Variants in EGF observed in about 807,000 individuals in gnomAD.
EGF encodes pro-epidermal growth factor.
In EGF, 95 loss-of-function variants were observed where a neutral mutation model predicts 143.8. The observed-to-expected ratio is 0.66, with a 90% confidence interval of 0.56 to 0.78. The LOEUF (loss-of-function observed/expected upper bound fraction) is 0.78, where lower values mean the gene tolerates loss of function less well. EGF is among the 30% of genes least tolerant of loss of function. The pLI, the probability that EGF is intolerant of heterozygous loss-of-function variation, is 0.00. For missense variants in EGF, 1,320 were observed against 1,470.9 expected, an observed-to-expected ratio of 0.90 and a Z score of 1.68; for synonymous variants, 510 against 510.5, an observed-to-expected ratio of 1.00 and a Z score of 0.01.
In EGF at chr4:110,011,283, C is replaced by G. The variant is rs1413046973; in HGVS notation, c.3452C>G (p.Ser1151Cys). 1.2e-6 allele frequency: 2 copies of G among 1,614,144 alleles called. No individual in the cohort carries two copies. Among genetic ancestry groups the G allele is most frequent in the Non-Finnish European group, 1.7e-6 (2 of 1,180,016 alleles). ...GAGCAAGGCTGCTGGATTCCAGTAT[C>G]CAGTGATAAGGGCTCCTGTCCCCAG... is the stretch of plus-strand genomic sequence containing the variant. Reference protein sequence around the residue: ...GTEQGCWIPVSSDKGSCPQVM... With the variant: ...GTEQGCWIPVCSDKGSCPQVM... Residue 1151 changes from serine to cysteine, a missense_variant, in exon 24 of 24, where the codon TCC becomes TGC. Coordinates refer to ENST00000265171, the MANE Select transcript of EGF (RefSeq NM_001963.6).
chr4:109,913,376 A>G lies in EGF; in HGVS notation c.41A>G (p.Lys14Arg), dbSNP rs749456740. ...ATCATTCTGTTGCCAGTAGTTTCAA[A>G]ATTTAGTTTTGTTAGTCTCTCAGCA... Reference protein sequence around the residue: ...TLIILLPVVSKFSFVSLSAPQ... With the variant: ...TLIILLPVVSRFSFVSLSAPQ... Residue 14 changes from lysine to arginine, a missense_variant, in exon 1 of 24, where the codon AAA becomes AGA. By Grantham distance (26) the Lys-to-Arg change is conservative. Transcript: ENST00000265171. 1 of 1,613,842 alleles carries G rather than the reference A, an allele frequency of 6.2e-7. No homozygotes were observed. Among genetic ancestry groups the G allele is most frequent in the African/African-American group, 1.3e-5 (1 of 74,894 alleles).
Position 110,011,612 on chromosome 4 carries a change from G to A in EGF, c.*157G>A, listed in dbSNP as rs190671898. The A allele has an allele frequency of 1.9e-5, 22 of 1,173,574 alleles. No homozygotes were observed. The South Asian group carries it at 1.9e-4, about 10-fold the overall frequency. The allele number at this position is 1,173,574 out of a possible 1,614,324, so 72.7% of individuals were successfully genotyped here. A position where few individuals can be genotyped will look rare whatever the true frequency, so the allele number is the denominator to read the frequency against. ...GAGACAGATACGTAGTTGTGCTTTTGTTTGCTCTTTTAAGCAGTCTCACTG... is the reference window on the plus strand; with the variant it reads ...GAGACAGATACGTAGTTGTGCTTTTATTTGCTCTTTTAAGCAGTCTCACTG... On this transcript the variant is annotated 3_prime_UTR_variant, in exon 24 of 24. Transcript: ENST00000265171.
intron 5 of EGF, among the ~76,000 whole-genome samples, chr4:109,946,944 C>A (rs1374676104): frequency 6.6e-6 from 1 of 152,072 alleles, no homozygotes; most frequent in Admixed American, 6.6e-5. Flanking sequence ...CATGGCAAAA[C>A]CCTGTCTCTA....
rs1553937989 is a variant in EGF at position 109,968,707 on chromosome 4, T to TCTACCTACCTACCTAC, written c.1576-256_1576-241dup. 6.4e-4 allele frequency: 223 copies of TCTACCTACCTACCTAC among 351,128 alleles called. 2 individuals are homozygous for TCTACCTACCTACCTAC. Among genetic ancestry groups the TCTACCTACCTACCTAC allele is most frequent in the South Asian group, 1.3e-3 (55 of 40,940 alleles). 21.8% of individuals were successfully genotyped at this position (351,128 alleles called of 1,614,324 possible). On this transcript the variant is annotated intron_variant, in intron 10 of 23. Coordinates refer to ENST00000265171, the MANE Select transcript of EGF (RefSeq NM_001963.6). Reference sequence around the variant, plus strand: ...ATCTATCTATCTATCTATCTATCTATCTACCTACCTACCTACCTACCTAAT... The same window carrying TCTACCTACCTACCTAC: ...ATCTATCTATCTATCTATCTATCTATCTACCTACCTACCTACCTACCTACCTACCTACCTACCTAAT...
Position 109,961,945 on chromosome 4 carries a change from T to G in EGF, c.1272T>G (p.Pro424=), listed in dbSNP as rs1243113137. 1 of 1,613,822 alleles carries G rather than the reference T, an allele frequency of 6.2e-7. No individual in the cohort carries two copies. Among genetic ancestry groups the G allele is most frequent in the Non-Finnish European group, 8.5e-7 (1 of 1,179,838 alleles). Residue 424 remains proline, a synonymous_variant, in exon 8 of 24, where the codon CCT becomes CCG. Coordinates refer to ENST00000265171, the MANE Select transcript of EGF (RefSeq NM_001963.6). ...CAGAAGGTCCCTTATGTTTCTGTCC[T>G]GAAGGCTCAGTGCTTGAGAGAGATG... ...LTSEGPLCFC[P]EGSVLERDGK... is the part of the protein sequence containing the mutation.
intron 1 of EGF, among the ~76,000 whole-genome samples, chr4:109,935,112 G>A (rs760879022): frequency 6.6e-6 from 1 of 152,138 alleles, no homozygotes; most frequent in African/African-American, 2.4e-5. Flanking sequence ...GTCAGGGGTA[G>A]CTTGATGGGG....
intron 5 of EGF, among the ~76,000 whole-genome samples, chr4:109,948,263 A>G (rs1259121554): frequency 6.6e-6 from 1 of 151,936 alleles, no homozygotes; most frequent in African/African-American, 2.4e-5. Context: ...CTTCACACAT[A>G]CTCCACAGGC....
chr4:109,949,128 GT>G (rs1743370519), intron 5 of EGF, among the ~76,000 whole-genome samples: 1 of 151,896 alleles, frequency 6.6e-6, no homozygotes, highest in Non-Finnish European at 1.5e-5. Flanking sequence ...GTGCAGTGGC[GT>G]AATCTCAGCT....
At position 109,975,998 on chromosome 4, in the gene EGF, T is replaced by C. The variant is rs1748434449; in HGVS notation, c.1830-14T>C. ...CATGCAGATATTATTTGTTGTGTGC[T>C]TTCTTGATTAAAGGAGATTATTCTG... On this transcript the variant is annotated splice_polypyrimidine_tract_variant and intron_variant, in intron 12 of 23. Coordinates refer to ENST00000265171, the MANE Select transcript of EGF (RefSeq NM_001963.6). The C allele has an allele frequency of 3.1e-6, 5 of 1,609,686 alleles. No individual in the cohort carries two copies. The highest frequency in any genetic ancestry group is 4.3e-6 in the Non-Finnish European group (5 of 1,176,074).
chr4:109,979,875 G>A, intron 13 of EGF, 97 bp from the exon 14 acceptor site: 2 of 1,433,018 alleles, frequency 1.4e-6, no homozygotes, highest in South Asian at 1.2e-5. Context: ...AGCTGATTTA[G>A]TGTAGGAATG....
At chr4:109,963,448 A>C in intron 9 of EGF, 150 bp downstream of exon 9, 1 of 951,400 alleles carries the variant, frequency 1.1e-6, no homozygotes. Flanking sequence ...TAATATGAGT[A>C]ATAACAATAT....
intron 5 of EGF, among the ~76,000 whole-genome samples, chr4:109,945,579 C>A (rs561493112): frequency 6.6e-6 from 1 of 150,934 alleles, no homozygotes; most frequent in African/African-American, 2.4e-5. Flanking sequence ...TCTACAAAAA[C>A]GAAAGAAAGA....
At chr4:109,994,344 G>A (rs1430962502) in intron 19 of EGF, among the ~76,000 whole-genome samples, 1 of 152,166 alleles carries the variant, frequency 6.6e-6, no homozygotes, top group African/African-American at 2.4e-5. Flanking sequence ...TGATGGGTAG[G>A]TTTTAAACCA....
intron 1 of EGF, among the ~76,000 whole-genome samples, chr4:109,928,731 C>A (rs916572378): frequency 1.3e-5 from 2 of 152,134 alleles, no homozygotes; most frequent in Non-Finnish European, 2.9e-5. Flanking sequence ...TAGAGTCAGT[C>A]TGGAATTTGG....
intron 15 of EGF, among the ~76,000 whole-genome samples, chr4:109,981,709 A>G (rs2126119259): frequency 6.6e-6 from 1 of 152,296 alleles, no homozygotes; most frequent in African/African-American, 2.4e-5. Context: ...AAAATAAACA[A>G]AAGTTATGCA....
rs143119557 is a variant in EGF, at chr4:109,955,792, C to T, written c.941-3520C>T. Among the ~76,000 whole-genome samples the T allele has an allele frequency of 3.9e-5, 6 of 152,252 alleles. No homozygotes were observed. In the East Asian group the frequency reaches 9.7e-4, roughly 25 times the overall value. On this transcript the variant is annotated intron_variant, in intron 5 of 23. Transcript: ENST00000265171. Reference sequence around the variant, plus strand: ...TACTGGATGCCTATGTTGTAAAAGGCACCGTGCTAGGTGTTACTGGGACTA... The same window carrying T: ...TACTGGATGCCTATGTTGTAAAAGGTACCGTGCTAGGTGTTACTGGGACTA...
intron 20 of EGF, 42 bp downstream of exon 20, chr4:109,994,922 T>C (rs546214769): frequency 8.7e-6 from 14 of 1,613,062 alleles, no homozygotes; most frequent in Non-Finnish European, 1.1e-5. Context: ...GAGATGCTAT[T>C]CAGTCCATAA....
intron 21 of EGF, among the ~76,000 whole-genome samples, chr4:110,000,250 CAAAA>C (rs754279332): frequency 6.4e-5 from 6 of 93,998 alleles, no homozygotes; most frequent in East Asian, 6.4e-4. Flanking sequence ...GACTCCGTGT[CAAAA>C]AAAAAAAAAA....
intron 1 of EGF, among the ~76,000 whole-genome samples, chr4:109,914,943 T>C (rs1180264673): frequency 6.6e-6 from 1 of 152,180 alleles, no homozygotes; most frequent in Non-Finnish European, 1.5e-5. Flanking sequence ...TGGGCCGATC[T>C]ATCAGGCAGC....
Sources: gnomAD v4.1 joint callset for allele counts (sites outside exome capture counted in the v4.1 genomes callset) on GRCh38, gnomAD v4.1.1 for gene constraint, MANE v1.5 for transcripts, NCBI Gene and HGNC (gene_info 2026-07-23, HGNC 2026-07-21) for gene names.